Variants in EMX1 observed in about 807,000 individuals in gnomAD.
The protein encoded by EMX1 is homeobox protein EMX1.
A neutral mutation model predicts 20.1 loss-of-function variants in EMX1; 10 were observed. The observed-to-expected ratio is 0.50, with a 90% CI of 0.31 to 0.84. EMX1 has a LOEUF of 0.84. EMX1 is among the 40% of genes least tolerant of loss of function. The probability of loss-of-function intolerance (pLI) is 0.05; values close to 1 mark genes in which losing one functional copy is unlikely to be tolerated. For missense variants in EMX1, 424 were observed against 431.9 expected, an observed-to-expected ratio of 0.98 and a Z score of 0.16; for synonymous variants, 250 against 200.4, an observed-to-expected ratio of 1.25 and a Z score of -2.09.
At chr2:72,916,832 C>A, upstream of EMX1, 1 of 717,230 alleles carries the variant, frequency 1.4e-6, no homozygotes, top group South Asian at 1.5e-5. Context: ...CGTCCTGGTC[C>A]AAGCCGGTCG....
chr2:72,925,971 T>A (rs186249148), intron 2 of EMX1: 15,119 of 985,300 alleles, frequency 0.015, 121 homozygotes, highest in Non-Finnish European at 0.017. Flanking sequence ...GATGTGTTTT[T>A]AAAAATAAGT....
At chr2:72,916,638 G>A, upstream of EMX1, 5 of 702,008 alleles carry the variant, frequency 7.1e-6, no homozygotes, top group South Asian at 6.0e-5. Context: ...GTCGAGGGAG[G>A]TCAGGCTGCT....
At position 72,924,104 on chromosome 2, in the gene EMX1, G is replaced by A. The variant is rs77631805; in HGVS notation, c.521-205G>A. 6.7e-3 allele frequency: 4,321 copies of A among 646,034 alleles called. 129 individuals are homozygous for A. Among genetic ancestry groups the A allele is most frequent in the African/African-American group, 0.062 (3,433 of 55,670 alleles). 40.0% of individuals were successfully genotyped at this position (646,034 alleles called of 1,614,324 possible). A position where few individuals can be genotyped will look rare whatever the true frequency, so the allele number is the denominator to read the frequency against. Reference sequence around the variant, plus strand: ...CCCCGCGGAGTGGCTCTCGAGTGCGGGGAGGTGTTGCGGAGGGGAGTGGAC... The same window carrying A: ...CCCCGCGGAGTGGCTCTCGAGTGCGAGGAGGTGTTGCGGAGGGGAGTGGAC... On this transcript the variant is annotated intron_variant, in intron 1 of 2. Transcript: ENST00000258106.
chr2:72,928,756 G>A (rs947419028), intron 2 of EMX1, among the ~76,000 whole-genome samples: 2 of 152,198 alleles, frequency 1.3e-5, no homozygotes, highest in African/African-American at 2.4e-5. Flanking sequence ...TGTGAAACAT[G>A]CACAGGAAGA....
At position 72,924,016 on chromosome 2, in the gene EMX1, G is replaced by C. The variant is rs1463451710; in HGVS notation, c.521-293G>C. ...CATTGTGAATGTGGGTCCACGCCTC[G>C]TCCGGCCTGCCCCATCTCTTGGCTT... On this transcript the variant is annotated intron_variant, in intron 1 of 2. Coordinates refer to ENST00000258106, the MANE Select transcript of EMX1 (RefSeq NM_004097.3). 1.3e-5 allele frequency: 7 copies of C among 528,174 alleles called. No homozygotes were observed. The South Asian group carries it at 1.5e-4, about 11-fold the overall frequency. The allele number at this position is 528,174 out of a possible 1,614,324, so 32.7% of individuals were successfully genotyped here. A position where few individuals can be genotyped will look rare whatever the true frequency, so the allele number is the denominator to read the frequency against.
chr2:72,918,170 C>G lies in EMX1; in HGVS notation c.318C>G (p.Gly106=), dbSNP rs780723202. 1 of 1,513,414 alleles carries G rather than the reference C, an allele frequency of 6.6e-7. No individual in the cohort carries two copies. Among genetic ancestry groups the G allele is most frequent in the African/African-American group, 1.5e-5 (1 of 68,816 alleles). The allele number at this position is 1,513,414 out of a possible 1,614,324, so 93.7% of individuals were successfully genotyped here. A position where few individuals can be genotyped will look rare whatever the true frequency, so the allele number is the denominator to read the frequency against. Residue 106 remains glycine, a synonymous_variant, in exon 1 of 3, where the codon GGC becomes GGG. Transcript: ENST00000258106. Reference sequence around the variant, plus strand: ...GCTTCCCTGCCGCGGCCGCCGCGGGCGCGGGCCGCTCGCTCTACGGTGGGC... The same window carrying G: ...GCTTCCCTGCCGCGGCCGCCGCGGGGGCGGGCCGCTCGCTCTACGGTGGGC... ...VSGFPAAAAA[G]AGRSLYGGPE...
chr2:72,919,477 A>G lies in EMX1; in HGVS notation c.520+1105A>G, dbSNP rs536150995. On this transcript the variant is annotated intron_variant, in intron 1 of 2. Coordinates refer to ENST00000258106, the MANE Select transcript of EMX1 (RefSeq NM_004097.3). ...TTTTAGAGAAACAAATGAAAGGGAC[A>G]TGGCTGGAGCTTCGGCTCCAGGAGC... Among the ~76,000 whole-genome samples, 14 of 152,332 alleles carry G rather than the reference A, an allele frequency of 9.2e-5. No individual in the cohort carries two copies. In the East Asian group the frequency reaches 2.3e-3, roughly 25 times the overall value.
intron 1 of EMX1, 69 bp from the exon 2 acceptor site, chr2:72,924,240 G>A: frequency 1.3e-6 from 2 of 1,529,520 alleles, no homozygotes; most frequent in Non-Finnish European, 1.8e-6. Context: ...GCTCTGTTGG[G>A]CCCCGGCTCA....
rs935758065 is a variant in EMX1, at chr2:72,930,552, T to A, written c.706-3235T>A. ...AGAGGTCAGAGTGGGCAAGGGGTCC[T>A]CCAGCTAACATTCCAACTGTACCTC... On this transcript the variant is annotated intron_variant, in intron 2 of 2. Coordinates refer to ENST00000258106, the MANE Select transcript of EMX1 (RefSeq NM_004097.3). This position sits in a 1 kb window ranked among gnomAD's most constrained non-coding sequence, Gnocchi z 4.4. Among the ~76,000 whole-genome samples, 1 of 152,172 alleles carries A rather than the reference T, an allele frequency of 6.6e-6. No homozygotes were observed. Among genetic ancestry groups the A allele is most frequent in the African/African-American group, 2.4e-5 (1 of 41,430 alleles).
Position 72,917,684 on chromosome 2 carries a change from G to A in EMX1, c.-169G>A, listed in dbSNP as rs993911061. 7.0e-5 allele frequency: 32 copies of A among 455,904 alleles called. No individual in the cohort carries two copies. Among genetic ancestry groups the A allele is most frequent in the Non-Finnish European group, 9.6e-5 (30 of 311,758 alleles). 28.2% of individuals were successfully genotyped at this position (455,904 alleles called of 1,614,324 possible). On this transcript the variant is annotated 5_prime_UTR_variant, in exon 1 of 3. Coordinates refer to ENST00000258106, the MANE Select transcript of EMX1 (RefSeq NM_004097.3). Reference sequence around the variant, plus strand: ...GCACGGAGCCCGCGCCTGTGCGGGCGCCTGGAGCTGCCCGCTCCGCCGCAG... The same window carrying A: ...GCACGGAGCCCGCGCCTGTGCGGGCACCTGGAGCTGCCCGCTCCGCCGCAG...
At chr2:72,933,710 C>A in intron 2 of EMX1, 77 bp from the exon 3 acceptor site, 1 of 1,559,872 alleles carries the variant, frequency 6.4e-7, no homozygotes, top group Non-Finnish European at 8.7e-7. Context: ...CTCAGCTCAG[C>A]CTGAGTGTTG....
intron 2 of EMX1, among the ~76,000 whole-genome samples, chr2:72,925,127 C>T (rs957186104): frequency 6.6e-6 from 1 of 152,166 alleles, no homozygotes; most frequent in Non-Finnish European, 1.5e-5. Flanking sequence ...GTGGAAGCCA[C>T]GGTGTGCGCG....
chr2:72,928,570 C>T (rs1425640319), intron 2 of EMX1, among the ~76,000 whole-genome samples: 1 of 152,172 alleles, frequency 6.6e-6, no homozygotes, highest in Non-Finnish European at 1.5e-5. Flanking sequence ...CCAGGCTGAT[C>T]AACTGGTCAG....
At chr2:72,916,580 C>G, upstream of EMX1, 1 of 623,792 alleles carries the variant, frequency 1.6e-6, no homozygotes, top group Non-Finnish European at 2.9e-6. Context: ...GAAAAACTGG[C>G]CGGAGCAGAG....
intron 1 of EMX1, chr2:72,924,099 G>GTGTGGGGAGGTGT: frequency 1.6e-6 from 1 of 634,952 alleles, no homozygotes; most frequent in East Asian, 2.7e-5. Context: ...TGGCTCTCGA[G>GTGTGGGGAGGTGT]TGCGGGGAGG....
chr2:72,933,182 G>C (rs1395928099), intron 2 of EMX1: 1 of 152,346 alleles, frequency 6.6e-6, no homozygotes, highest in Non-Finnish European at 1.5e-5. Flanking sequence ...CTAGCAGCGG[G>C]TTCTGTGCCC....
At chr2:72,926,912 T>C (rs1260971694) in intron 2 of EMX1, among the ~76,000 whole-genome samples, 3 of 152,196 alleles carry the variant, frequency 2.0e-5, no homozygotes, top group Non-Finnish European at 2.9e-5. Context: ...ATCCGCCTCT[T>C]GGTACTTACC....
chr2:72,930,474 T>C lies in EMX1; in HGVS notation c.706-3313T>C, dbSNP rs112577410. Among the ~76,000 whole-genome samples, 573 of 152,318 alleles carry C rather than the reference T, an allele frequency of 3.8e-3. 5 individuals are homozygous for C. Among genetic ancestry groups the C allele is most frequent in the African/African-American group, 0.013 (543 of 41,564 alleles). On this transcript the variant is annotated intron_variant, in intron 2 of 2. Transcript: ENST00000258106. This position sits in a 1 kb window ranked among gnomAD's most constrained non-coding sequence, Gnocchi z 4.4. The stretch of plus-strand genomic sequence containing the variant: ...GCCTCTGAGAAACTGAGATGTTCAC[T>C]TCACAGTGAAATGAGGACTTGGGAG...
Position 72,925,603 on chromosome 2 carries a change from C to T in EMX1, c.705+1110C>T, listed in dbSNP as rs138693929. 1.8e-3 allele frequency: 2,230 copies of T among 1,271,416 alleles called. 2 individuals carry two copies. Among genetic ancestry groups the T allele is most frequent in the Non-Finnish European group, 2.2e-3 (2,131 of 977,980 alleles). The allele number at this position is 1,271,416 out of a possible 1,614,324, so 78.8% of individuals were successfully genotyped here. On this transcript the variant is annotated intron_variant, in intron 2 of 2. Transcript: ENST00000258106. ...TTTTCACCTTCCGCTCCCCTTTCCT[C>T]CTAGTCTCGACCCTACTACACCACC... is the stretch of plus-strand genomic sequence containing the variant.
Sources: gnomAD v4.1 joint callset for allele counts (sites outside exome capture counted in the v4.1 genomes callset) on GRCh38, gnomAD v4.1.1 for gene constraint, Gnocchi (gnomAD v3.1) non-coding constraint, MANE v1.5 for transcripts, NCBI Gene and HGNC (gene_info 2026-07-23, HGNC 2026-07-21) for gene names.